The following PTGFRN variants were observed in gnomAD, a reference collection of about 807,000 sequenced individuals.
The protein encoded by PTGFRN is prostaglandin F2 receptor negative regulator.
In PTGFRN, 35 loss-of-function variants were observed where a neutral mutation model predicts 83.2. The observed-to-expected ratio is 0.42, with a 90% CI of 0.32 to 0.56. PTGFRN has a LOEUF of 0.56. Among genes scored for constraint, PTGFRN ranks in the 20% least tolerant of loss-of-function variants. The probability of loss-of-function intolerance (pLI) is 0.11; values close to 1 mark genes in which losing one functional copy is unlikely to be tolerated. For synonymous variants in PTGFRN, 519 were observed against 498.6 expected, an observed-to-expected ratio of 1.04 and a Z score of -0.55; for missense variants, 1,051 against 1,179.5, an observed-to-expected ratio of 0.89 and a Z score of 1.60.
At chr1:116,953,847 A>G (rs10754331) in intron 4 of PTGFRN, among the ~76,000 whole-genome samples, 125,372 of 149,062 alleles carry the variant, frequency 0.84, 52,980 homozygotes, top group South Asian at 0.91. Context: ...AACTTCATGA[A>G]TATTTCTTTT....
intron 4 of PTGFRN, among the ~76,000 whole-genome samples, chr1:116,950,315 A>G (rs1049223607): frequency 6.6e-6 from 1 of 152,140 alleles, no homozygotes; most frequent in South Asian, 2.1e-4. Flanking sequence ...AATTTTTGTT[A>G]TGTCTTGTAA....
At position 116,971,128 on chromosome 1, in the gene PTGFRN, A is replaced by G. The variant is rs369599597; in HGVS notation, c.2060-3088A>G. On this transcript the variant is annotated intron_variant, in intron 6 of 8. Coordinates refer to ENST00000393203, the MANE Select transcript of PTGFRN (RefSeq NM_020440.4). Reference sequence around the variant, plus strand: ...CATCTTCCTAGAATGTTTTTCTTGTATATTTTCTTCATGACTTTGAGATCA... The same window carrying G: ...CATCTTCCTAGAATGTTTTTCTTGTGTATTTTCTTCATGACTTTGAGATCA... Among the ~76,000 whole-genome samples the G allele has an allele frequency of 2.6e-5, 4 of 152,310 alleles. No homozygotes were observed. In the East Asian group the frequency reaches 7.7e-4, roughly 29 times the overall value.
intron 4 of PTGFRN, among the ~76,000 whole-genome samples, chr1:116,954,481 CCTT>C (rs1318114659): frequency 6.6e-6 from 1 of 152,204 alleles, no homozygotes; most frequent in African/African-American, 2.4e-5. Flanking sequence ...GCTGAGTACT[CCTT>C]CTGTTTCTTC....
intron 4 of PTGFRN, among the ~76,000 whole-genome samples, chr1:116,956,262 G>T (rs1212695444): frequency 6.6e-6 from 1 of 152,168 alleles, no homozygotes; most frequent in Non-Finnish European, 1.5e-5. Context: ...GTTTGCCTTT[G>T]CATTAAAACT....
At chr1:116,944,565 G>C in intron 2 of PTGFRN, 114 bp from the exon 3 acceptor site, 1 of 1,090,822 alleles carries the variant, frequency 9.2e-7, no homozygotes, top group Non-Finnish European at 1.2e-6. Context: ...TGCCCATCCG[G>C]GTCTTGGAAT....
rs374330870 is a variant in PTGFRN at position 116,942,019 on chromosome 1, A to G, written c.354A>G (p.Lys118=). The change falls in exon 2 of 9, where the codon AAA becomes AAG. Residue 118 remains lysine, a synonymous_variant. Transcript: ENST00000393203. ...NVQPSDQGHY[K]CSTPSTDATV... is the part of the protein sequence containing the mutation. ...AGCCTTCAGACCAAGGCCACTACAA[A>G]TGTTCAACCCCCAGCACAGATGCCA... The G allele has an allele frequency of 1.5e-5, 24 of 1,614,108 alleles. No homozygotes were observed. Among genetic ancestry groups the G allele is most frequent in the Non-Finnish European group, 2.0e-5 (24 of 1,180,012 alleles).
rs144598510 is a variant in PTGFRN, at chr1:116,923,300, T to A, written c.49+13048T>A. On this transcript the variant is annotated intron_variant, in intron 1 of 8. Transcript: ENST00000393203. This position sits in a 1 kb window ranked among gnomAD's most constrained non-coding sequence, Gnocchi z 4.0. ...TTATAACAGGGGCAGAAGATATCTATGTGTCCTTTTTACTATCTTTCTTAT... is the reference window on the plus strand; with the variant it reads ...TTATAACAGGGGCAGAAGATATCTAAGTGTCCTTTTTACTATCTTTCTTAT... Among the ~76,000 whole-genome samples, 1 of 152,308 alleles carries A rather than the reference T, an allele frequency of 6.6e-6. No individual in the cohort carries two copies. Among genetic ancestry groups the A allele is most frequent in the Non-Finnish European group, 1.5e-5 (1 of 68,032 alleles).
chr1:116,967,219 G>T lies in PTGFRN; in HGVS notation c.1948G>T (p.Ala650Ser), dbSNP rs751723995. The T allele has an allele frequency of 1.9e-5, 30 of 1,614,198 alleles. No homozygotes were observed. The highest frequency in any genetic ancestry group is 1.2e-4 in the Admixed American group (7 of 60,028). Residue 650 changes from alanine (A) to serine (S), a missense_variant, in exon 6 of 9, where the codon GCA becomes TCA. Ala to Ser is a moderately conservative substitution (Grantham distance 99). Around this residue, in one of 3 missense-constraint regions of PTGFRN, gnomAD observed 719 missense variants for 836.6 expected, o/e 0.86. Coordinates refer to ENST00000393203, the MANE Select transcript of PTGFRN (RefSeq NM_020440.4). Reference protein sequence around the residue: ...YRMYQTQVSDAGLYRCMVTAW... With the variant: ...YRMYQTQVSDSGLYRCMVTAW... ...AATGTACCAGACTCAGGTCTCAGAC[G>T]CAGGGCTGTACCGCTGCATGGTGAC...
chr1:116,971,241 C>T (rs921886972), intron 6 of PTGFRN, among the ~76,000 whole-genome samples: 3 of 152,014 alleles, frequency 2.0e-5, no homozygotes, highest in African/African-American at 7.3e-5. Context: ...TCTAGGTAAA[C>T]ATTAATACCA....
intron 1 of PTGFRN, among the ~76,000 whole-genome samples, chr1:116,939,876 C>T (rs546691052): frequency 6.6e-6 from 1 of 152,320 alleles, no homozygotes; most frequent in South Asian, 2.1e-4. Context: ...TTCCACAGGT[C>T]TCTAGGGCAG....
At position 116,990,233 on chromosome 1, in the gene PTGFRN, T is replaced by C. The variant is rs1651683799; in HGVS notation, c.*3266T>C. On this transcript the variant is annotated 3_prime_UTR_variant, in exon 9 of 9. Coordinates refer to ENST00000393203, the MANE Select transcript of PTGFRN (RefSeq NM_020440.4). Reference sequence around the variant, plus strand: ...ATTTTCCGTAGACAAAGAAAGGATCTTGTGTATTTTTGTCCATATCCAATG... The same window carrying C: ...ATTTTCCGTAGACAAAGAAAGGATCCTGTGTATTTTTGTCCATATCCAATG... 1 of 152,682 alleles carries C rather than the reference T, an allele frequency of 6.5e-6. No individual in the cohort carries two copies. The highest frequency in any genetic ancestry group is 6.5e-5 in the Admixed American group (1 of 15,284). The allele number at this position is 152,682 out of a possible 1,614,324, so 9.5% of individuals were successfully genotyped here.
At chr1:116,934,426 C>T (rs1649870807) in intron 1 of PTGFRN, among the ~76,000 whole-genome samples, 2 of 152,140 alleles carry the variant, frequency 1.3e-5, no homozygotes, top group African/African-American at 2.4e-5. Context: ...GGATTATAGG[C>T]GAGAACCACT....
chr1:116,971,678 C>T (rs1440374978), intron 6 of PTGFRN, among the ~76,000 whole-genome samples: 3 of 152,210 alleles, frequency 2.0e-5, no homozygotes, highest in Non-Finnish European at 4.4e-5. Context: ...AGGCCTTTTC[C>T]CCAGTCCTTG....
intron 1 of PTGFRN, among the ~76,000 whole-genome samples, chr1:116,934,018 C>T (rs926867173): frequency 2.6e-5 from 4 of 152,202 alleles, no homozygotes; most frequent in Non-Finnish European, 5.9e-5. Flanking sequence ...GCCTCTGTGA[C>T]ACATATGTTT....
chr1:116,974,598 T>C (rs1408858654), intron 7 of PTGFRN: 2 of 372,348 alleles, frequency 5.4e-6, no homozygotes, highest in Non-Finnish European at 9.5e-6. Context: ...TCAGGCTGAT[T>C]TGAAACCCAC....
At chr1:116,971,346 G>A (rs1650988303) in intron 6 of PTGFRN, among the ~76,000 whole-genome samples, 1 of 152,016 alleles carries the variant, frequency 6.6e-6, no homozygotes, top group African/African-American at 2.4e-5. Context: ...TAAAAAAACT[G>A]CCACTAACAG....
rs1382137890 is a variant in PTGFRN, at chr1:116,918,970, CATG to C, written c.49+8725_49+8727del. On this transcript the variant is annotated intron_variant, in intron 1 of 8. Coordinates refer to ENST00000393203, the MANE Select transcript of PTGFRN (RefSeq NM_020440.4). This position sits in a 1 kb window ranked among gnomAD's most constrained non-coding sequence, Gnocchi z 4.1. ...GCAGAAGGTTTGAGGGCCTGGAGGG[CATG>C]ATGATGGCATAAAAGCAGATTCTGA... Among the ~76,000 whole-genome samples, 9 of 152,144 alleles carry C rather than the reference CATG, an allele frequency of 5.9e-5. No individual in the cohort carries two copies. Among genetic ancestry groups the C allele is most frequent in the South Asian group, 2.1e-4 (1 of 4,810 alleles).
Position 116,975,401 on chromosome 1 carries a change from G to C in PTGFRN, c.2167+1078G>C, listed in dbSNP as rs1651116769. Among the ~76,000 whole-genome samples the C allele has an allele frequency of 2.0e-5, 3 of 152,230 alleles. No homozygotes were observed. The South Asian group carries it at 6.2e-4, about 32-fold the overall frequency. On this transcript the variant is annotated intron_variant, in intron 7 of 8. Coordinates refer to ENST00000393203, the MANE Select transcript of PTGFRN (RefSeq NM_020440.4). ...GTGCTTCTCCCAGCATGCAGCTTGA[G>C]ATCTGAGAACGGACAGACTGCCTCC...
At chr1:116,937,599 A>G (rs183662199) in intron 1 of PTGFRN, among the ~76,000 whole-genome samples, 97 of 152,296 alleles carry the variant, frequency 6.4e-4, no homozygotes, top group African/African-American at 2.2e-3. Flanking sequence ...AGGATTGGAG[A>G]GTTCAGACAA....
Sources: gnomAD v4.1 joint callset for allele counts (sites outside exome capture counted in the v4.1 genomes callset) on GRCh38, gnomAD v4.1.1 for gene constraint, gnomAD v4.1.1 regional missense constraint, Gnocchi (gnomAD v3.1) non-coding constraint, MANE v1.5 for transcripts, NCBI Gene and HGNC (gene_info 2026-07-23, HGNC 2026-07-21) for gene names.